The following SEC23IP variants were observed in gnomAD, a reference collection of about 807,000 sequenced individuals.
The protein encoded by SEC23IP is SEC23 interacting protein.
Under a neutral mutation model 113.4 loss-of-function variants are expected in SEC23IP, and 70 were observed. The ratio of observed to expected loss-of-function variants is 0.62; its 90% CI spans 0.51 to 0.75. The LOEUF (loss-of-function observed/expected upper bound fraction) is 0.75, where lower values mean the gene tolerates loss of function less well. Among genes scored for constraint, SEC23IP ranks in the 30% least tolerant of loss-of-function variants. The pLI is 0.00. For missense variants in SEC23IP, 1,160 were observed against 1,204.9 expected (o/e 0.96, Z 0.55); for synonymous variants, 398 against 421.0 (o/e 0.95, Z 0.67).
In SEC23IP at chr10:119,944,121, G is replaced by A. The variant is rs541491423; in HGVS notation, c.*3556G>A. Reference sequence around the variant, plus strand: ...TCTCATCTTGAATTGTAATCCCCACGTGTCAGGGGAGGGACCTGGTGGGAG... The same window carrying A: ...TCTCATCTTGAATTGTAATCCCCACATGTCAGGGGAGGGACCTGGTGGGAG... On this transcript the variant is annotated 3_prime_UTR_variant, in exon 19 of 19. Coordinates refer to ENST00000369075, the MANE Select transcript of SEC23IP (RefSeq NM_007190.4). 2.6e-5 allele frequency: 4 copies of A among 152,276 alleles called. No individual in the cohort carries two copies. The highest frequency in any genetic ancestry group is 1.9e-4 in the East Asian group (1 of 5,188). 9.4% of individuals were successfully genotyped at this position (152,276 alleles called of 1,614,324 possible). A position where few individuals can be genotyped will look rare whatever the true frequency, so the allele number is the denominator to read the frequency against.
intron 12 of SEC23IP, among the ~76,000 whole-genome samples, chr10:119,922,632 G>C (rs560184452): frequency 2.0e-5 from 3 of 152,200 alleles, no homozygotes; most frequent in Non-Finnish European, 4.4e-5. Flanking sequence ...GACTGAAAGA[G>C]AGATGATAGG....
At chr10:119,938,498 C>A (rs974466385) in intron 18 of SEC23IP, among the ~76,000 whole-genome samples, 4 of 152,106 alleles carry the variant, frequency 2.6e-5, no homozygotes, top group African/African-American at 9.7e-5. Context: ...TTTGAGACTC[C>A]CTTTCTGGGC....
chr10:119,925,634 T>C (rs1855395372), intron 12 of SEC23IP, among the ~76,000 whole-genome samples: 1 of 152,120 alleles, frequency 6.6e-6, no homozygotes, highest in South Asian at 2.1e-4. Flanking sequence ...CTTGACCTTC[T>C]AGGCTCAAGT....
chr10:119,934,894 T>C (rs1855723331), intron 18 of SEC23IP, among the ~76,000 whole-genome samples: 2 of 152,224 alleles, frequency 1.3e-5, no homozygotes, highest in Admixed American at 1.3e-4. Flanking sequence ...CTCATCACTT[T>C]GGGAGGCCAA....
chr10:119,904,139 T>C lies in SEC23IP; in HGVS notation c.963T>C (p.Val321=). Residue 321 remains valine, a synonymous_variant, in exon 4 of 19, where the codon GTT becomes GTC. Coordinates refer to ENST00000369075, the MANE Select transcript of SEC23IP (RefSeq NM_007190.4). ...VLGTDGGRYD[V]YLYDRIRKAA... Reference sequence around the variant, plus strand: ...GCACGGATGGAGGGCGCTACGATGTTTACCTCTATGACCGAATAAGGAAGG... The same window carrying C: ...GCACGGATGGAGGGCGCTACGATGTCTACCTCTATGACCGAATAAGGAAGG... 1 of 1,614,206 alleles carries C rather than the reference T, an allele frequency of 6.2e-7. No homozygotes were observed. The highest frequency in any genetic ancestry group is 8.5e-7 in the Non-Finnish European group (1 of 1,180,042).
At chr10:119,932,831 C>T (rs746339084) in intron 16 of SEC23IP, among the ~76,000 whole-genome samples, 174 bp from the exon 17 acceptor site, 12 of 152,172 alleles carry the variant, frequency 7.9e-5, no homozygotes, top group African/African-American at 1.2e-4. Flanking sequence ...TCCTCTCTCT[C>T]GGGTAACCAG....
intron 2 of SEC23IP, among the ~76,000 whole-genome samples, chr10:119,899,410 A>G (rs1854404442): frequency 6.6e-6 from 1 of 152,238 alleles, no homozygotes; most frequent in African/African-American, 2.4e-5. Flanking sequence ...AACTCTATCT[A>G]GGGAGAGTTG....
intron 18 of SEC23IP, among the ~76,000 whole-genome samples, chr10:119,936,323 G>A (rs552957276): frequency 5.3e-4 from 81 of 152,084 alleles, no homozygotes; most frequent in African/African-American, 1.8e-3. Context: ...TTGAGAGGCC[G>A]AGGCGGGCAG....
intron 5 of SEC23IP, among the ~76,000 whole-genome samples, chr10:119,910,842 T>C (rs1040838191): frequency 1.2e-4 from 18 of 151,384 alleles, no homozygotes; most frequent in African/African-American, 4.1e-4. Context: ...CCACCTTGCC[T>C]GGCCAGTTTT....
intron 1 of SEC23IP, 24 bp downstream of exon 1, chr10:119,892,969 T>C (rs1854142198): frequency 6.3e-7 from 1 of 1,597,846 alleles, no homozygotes; most frequent in Non-Finnish European, 8.5e-7. Flanking sequence ...GGCGGCCCCG[T>C]GTGTGGTGGG....
At position 119,943,199 on chromosome 10, in the gene SEC23IP, A is replaced by G. The variant is rs1856004840; in HGVS notation, c.*2634A>G. The G allele has an allele frequency of 6.6e-6, 1 of 152,204 alleles. No individual in the cohort carries two copies. Among genetic ancestry groups the G allele is most frequent in the African/African-American group, 2.4e-5 (1 of 41,442 alleles). The allele number at this position is 152,204 out of a possible 1,614,324, so 9.4% of individuals were successfully genotyped here. A position where few individuals can be genotyped will look rare whatever the true frequency, so the allele number is the denominator to read the frequency against. On this transcript the variant is annotated 3_prime_UTR_variant, in exon 19 of 19. Coordinates refer to ENST00000369075, the MANE Select transcript of SEC23IP (RefSeq NM_007190.4). ...GAGTGTTTTGGTTTTCCTCCAAGTTATAGTTCTCATTGTAACTTAATAAGT... is the reference window on the plus strand; with the variant it reads ...GAGTGTTTTGGTTTTCCTCCAAGTTGTAGTTCTCATTGTAACTTAATAAGT...
At chr10:119,906,182 A>G (rs1854656211) in intron 4 of SEC23IP, among the ~76,000 whole-genome samples, 1 of 151,298 alleles carries the variant, frequency 6.6e-6, no homozygotes, top group Non-Finnish European at 1.5e-5. Flanking sequence ...CTCAGGAGGC[A>G]GAGGCAGTAG....
chr10:119,917,781 C>A, intron 8 of SEC23IP, 55 bp from the exon 9 acceptor site: 2 of 1,365,434 alleles, frequency 1.5e-6, no homozygotes, highest in Non-Finnish European at 2.0e-6. Flanking sequence ...TTAAAAAAAT[C>A]TGTAAATTTA....
chr10:119,934,294 C>T (rs1366713767), intron 18 of SEC23IP, among the ~76,000 whole-genome samples: 2 of 152,154 alleles, frequency 1.3e-5, no homozygotes, highest in African/African-American at 4.8e-5. Flanking sequence ...GGGTAGTACT[C>T]CTCACATCTG....
chr10:119,900,083 G>A (rs925453430), intron 2 of SEC23IP, among the ~76,000 whole-genome samples: 12 of 148,730 alleles, frequency 8.1e-5, no homozygotes, highest in Non-Finnish European at 1.2e-4. Flanking sequence ...ATGCAATTTT[G>A]GGGGGAATAT....
intron 13 of SEC23IP, among the ~76,000 whole-genome samples, chr10:119,927,002 G>A (rs954920495): frequency 3.3e-5 from 5 of 152,042 alleles, no homozygotes; most frequent in Non-Finnish European, 5.9e-5. Flanking sequence ...GGGTTTAAGG[G>A]ATACCTCCTA....
At chr10:119,909,275 A>C (rs11594697) in intron 5 of SEC23IP, 145 bp downstream of exon 5, 1 of 610,428 alleles carries the variant, frequency 1.6e-6, no homozygotes, top group African/African-American at 1.9e-5. Context: ...CTTTATTATT[A>C]TAGTGGATAA....
At chr10:119,914,568 G>A in intron 6 of SEC23IP, 162 bp from the exon 7 acceptor site, 1 of 604,756 alleles carries the variant, frequency 1.7e-6, no homozygotes, top group Non-Finnish European at 3.0e-6. Context: ...GGGACAAATT[G>A]TTCCTCTAAT....
intron 15 of SEC23IP, among the ~76,000 whole-genome samples, chr10:119,931,742 C>T (rs1028499822): frequency 2.4e-4 from 36 of 151,746 alleles, no homozygotes; most frequent in Non-Finnish European, 4.1e-4. Flanking sequence ...TTAGTAGAGA[C>T]GGGGTTTCAC....
Sources: allele counts gnomAD v4.1 joint callset (sites outside exome capture counted in the v4.1 genomes callset), GRCh38; gene constraint gnomAD v4.1.1; transcripts MANE v1.5; gene names NCBI Gene and HGNC (gene_info 2026-07-23, HGNC 2026-07-21).